Variants in ZNF385D observed in about 807,000 individuals in gnomAD.
ZNF385D encodes the protein zinc finger protein 385D, also known as zinc finger protein 659.
ZNF385D carries 15 observed loss-of-function variants against 35.8 expected under a neutral mutation model. The observed-to-expected ratio is 0.42, with a 90% CI of 0.28 to 0.64. The LOEUF (loss-of-function observed/expected upper bound fraction) is 0.64, where lower values mean the gene tolerates loss of function less well. ZNF385D is among the 30% of genes least tolerant of loss of function. The pLI, the probability that ZNF385D is intolerant of heterozygous loss-of-function variation, is 0.23. For missense variants in ZNF385D, 474 were observed against 494.6 expected (o/e 0.96, Z 0.39); for synonymous variants, 212 against 186.8 (o/e 1.13, Z -1.10).
intron 4 of ZNF385D, among the ~76,000 whole-genome samples, chr3:21,500,436 A>G (rs1239805557): frequency 2.6e-5 from 4 of 152,176 alleles, no homozygotes; most frequent in African/African-American, 9.6e-5. Flanking sequence ...CAGGAGGATA[A>G]TACAATTTCA....
chr3:22,200,754 A>T (rs1480416764), intron 2 of ZNF385D, among the ~76,000 whole-genome samples: 1 of 152,110 alleles, frequency 6.6e-6, no homozygotes, highest in Admixed American at 6.6e-5. Flanking sequence ...GACCGTCTAT[A>T]GACCTACCCC....
At chr3:22,282,491 A>G (rs1358142943) in intron 2 of ZNF385D, among the ~76,000 whole-genome samples, 1 of 152,108 alleles carries the variant, frequency 6.6e-6, no homozygotes, top group Admixed American at 6.6e-5. Context: ...TTGTTGACCC[A>G]AAGATCATTC....
At chr3:22,165,283 TCA>T (rs963143134) in intron 3 of ZNF385D, among the ~76,000 whole-genome samples, 15 of 152,176 alleles carry the variant, frequency 9.9e-5, no homozygotes, top group African/African-American at 3.6e-4. Context: ...TACTTTCCAC[TCA>T]GTTATGCTTG....
At chr3:21,899,462 C>T (rs1027444013) in intron 3 of ZNF385D, among the ~76,000 whole-genome samples, 3 of 152,112 alleles carry the variant, frequency 2.0e-5, no homozygotes, top group African/African-American at 7.2e-5. Flanking sequence ...TCCCCATTCC[C>T]AGACATTCTA....
At chr3:21,635,975 C>T (rs1394478727) in intron 2 of ZNF385D, among the ~76,000 whole-genome samples, 1 of 152,060 alleles carries the variant, frequency 6.6e-6, no homozygotes, top group Non-Finnish European at 1.5e-5. Context: ...GGCATTTGGG[C>T]TGGTTCCATA....
intron 2 of ZNF385D, among the ~76,000 whole-genome samples, chr3:22,344,869 A>G (rs761256645): frequency 1.3e-5 from 2 of 152,214 alleles, no homozygotes; most frequent in Non-Finnish European, 2.9e-5. Flanking sequence ...CAACTAAACT[A>G]TTTAAACTTC....
intron 3 of ZNF385D, among the ~76,000 whole-genome samples, chr3:22,082,225 G>C (rs1435395304): frequency 6.6e-6 from 1 of 152,070 alleles, no homozygotes; most frequent in Non-Finnish European, 1.5e-5. Flanking sequence ...AGCCCACGGA[G>C]GGTGAGCTGA....
chr3:21,906,134 A>G (rs1303687391), intron 3 of ZNF385D, among the ~76,000 whole-genome samples: 3 of 152,194 alleles, frequency 2.0e-5, no homozygotes, highest in Non-Finnish European at 4.4e-5. Context: ...CAAGGCTATC[A>G]GTGTTTCCCC....
At chr3:22,168,904 C>A in exon 3 of ZNF385D, 1 of 985,802 alleles carries the variant, frequency 1.0e-6, no homozygotes, top group Non-Finnish European at 1.2e-6. Context: ...GCTTGAGCGG[C>A]TGAATTCAGC....
intron 3 of ZNF385D, among the ~76,000 whole-genome samples, chr3:21,827,426 T>C (rs2673546): frequency 0.13 from 19,926 of 152,238 alleles, 1,519 homozygotes; most frequent in Middle Eastern, 0.22. Context: ...GCATCCTGAC[T>C]CAAAGATTCC....
chr3:22,332,156 T>C (rs891849607), intron 2 of ZNF385D, among the ~76,000 whole-genome samples: 1 of 152,198 alleles, frequency 6.6e-6, no homozygotes, highest in African/African-American at 2.4e-5. Flanking sequence ...TAACAAGACC[T>C]GGTTGTTTTA....
At chr3:21,918,324 G>A (rs968373529) in intron 3 of ZNF385D, among the ~76,000 whole-genome samples, 2 of 152,142 alleles carry the variant, frequency 1.3e-5, no homozygotes, top group Non-Finnish European at 2.9e-5. Context: ...CAAAAGAAAT[G>A]AACAATCCAA....
chr3:22,076,424 C>T (rs1407404997), intron 3 of ZNF385D, among the ~76,000 whole-genome samples: 3 of 151,874 alleles, frequency 2.0e-5, no homozygotes, highest in South Asian at 2.1e-4. Context: ...TATTCCCCCA[C>T]ATCCTATTTT....
At chr3:21,664,566 C>G (rs1457375693) in intron 2 of ZNF385D, among the ~76,000 whole-genome samples, 1 of 152,136 alleles carries the variant, frequency 6.6e-6, no homozygotes, top group Non-Finnish European at 1.5e-5. Flanking sequence ...CTAATGTTCT[C>G]TCTAATAAAT....
intron 2 of ZNF385D, among the ~76,000 whole-genome samples, chr3:22,233,116 T>A (rs951465196): frequency 2.0e-5 from 3 of 152,102 alleles, no homozygotes; most frequent in Non-Finnish European, 4.4e-5. Context: ...CTCTATTGAG[T>A]CCTCTTACCT....
At chr3:22,047,761 C>T (rs190598390) in intron 3 of ZNF385D, among the ~76,000 whole-genome samples, 1 of 151,882 alleles carries the variant, frequency 6.6e-6, no homozygotes, top group Admixed American at 6.6e-5. Flanking sequence ...AGATGTATAC[C>T]CAGAAGTGGG....
At chr3:22,341,579 A>G (rs1695421726) in intron 2 of ZNF385D, among the ~76,000 whole-genome samples, 1 of 152,182 alleles carries the variant, frequency 6.6e-6, no homozygotes, top group African/African-American at 2.4e-5. Context: ...AATATTATCC[A>G]CTATCTGAAT....
intron 3 of ZNF385D, among the ~76,000 whole-genome samples, chr3:21,851,627 G>C (rs1403860564): frequency 1.3e-5 from 2 of 151,926 alleles, no homozygotes; most frequent in African/African-American, 4.8e-5. Context: ...GACTCCATAT[G>C]TTAATATTTT....
At chr3:22,284,847 T>C (rs1215099613) in intron 2 of ZNF385D, among the ~76,000 whole-genome samples, 1 of 152,112 alleles carries the variant, frequency 6.6e-6, no homozygotes, top group Admixed American at 6.6e-5. Flanking sequence ...GAAAATCCTT[T>C]CTGAGGAAGT....
Sources: allele counts gnomAD v4.1 joint callset (sites outside exome capture counted in the v4.1 genomes callset), GRCh38; gene constraint gnomAD v4.1.1; transcripts MANE v1.5; gene names NCBI Gene and HGNC (gene_info 2026-07-23, HGNC 2026-07-21).